PTPRN2: variants seen among roughly 807,000 people sequenced by gnomAD.
PTPRN2 encodes the protein protein tyrosine phosphatase receptor type N2, also known as receptor-type tyrosine-protein phosphatase N2.
A neutral mutation model predicts 118.8 loss-of-function variants in PTPRN2; 74 were observed. The observed-to-expected ratio is 0.62, with a 90% CI of 0.52 to 0.76. The LOEUF (loss-of-function observed/expected upper bound fraction) is 0.76. Ranked by LOEUF, PTPRN2 falls within the 30% of genes least tolerant of loss-of-function variation. The pLI is 0.00. For synonymous variants in PTPRN2, 641 were observed against 608.0 expected (o/e 1.05, Z -0.80); for missense variants, 1,481 against 1,394.4 (o/e 1.06, Z -0.99).
chr7:158,226,738 G>A (rs1828814686), intron 3 of PTPRN2, among the ~76,000 whole-genome samples: 1 of 151,084 alleles, frequency 6.6e-6, no homozygotes, highest in South Asian at 2.1e-4. Context: ...TGAGACCTGG[G>A]GAAGTCCCAC....
At chr7:158,211,879 A>G (rs1033967013) in intron 3 of PTPRN2, among the ~76,000 whole-genome samples, 13 of 152,146 alleles carry the variant, frequency 8.5e-5, no homozygotes, top group African/African-American at 3.1e-4. Context: ...TTATACCCAA[A>G]AGGTAATCAG....
intron 2 of PTPRN2, among the ~76,000 whole-genome samples, chr7:158,319,504 TCCCCC>T (rs1435175067): frequency 3.2e-5 from 1 of 31,478 alleles, no homozygotes. Context: ...TCACACAGCC[TCCCCC>T]CACACACACA....
Position 158,558,176 on chromosome 7 carries a change from G to A in PTPRN2, c.112+29382C>T, listed in dbSNP as rs80142994. On this transcript the variant is annotated intron_variant, in intron 1 of 22. Transcript: ENST00000389418. ...AATTTTTCATTGTTCTGGAGAGACG[G>A]GGTCTTGCTATGTTGCCCAGCCTGG... Among the ~76,000 whole-genome samples, 831 of 152,168 alleles carry A rather than the reference G, an allele frequency of 5.5e-3. 11 individuals carry two copies. Among genetic ancestry groups the A allele is most frequent in the African/African-American group, 0.019 (793 of 41,518 alleles).
At chr7:158,143,746 G>A (rs1312525885) in intron 6 of PTPRN2, among the ~76,000 whole-genome samples, 1 of 152,192 alleles carries the variant, frequency 6.6e-6, no homozygotes, top group Admixed American at 6.5e-5. Context: ...TTCGCAGGAA[G>A]TGGCAGGGCC....
intron 15 of PTPRN2, 147 bp downstream of exon 15, chr7:157,621,215 C>CGGGGCTGGTACACACAGGTCAGCA: frequency 7.4e-7 from 1 of 1,355,758 alleles, no homozygotes; most frequent in South Asian, 1.4e-5. Flanking sequence ...CCTCCCGTCC[C>CGGGGCTGGTACACACAGGTCAGCA]CGGGGCTGGT....
chr7:158,081,806 A>C (rs1812864196), intron 10 of PTPRN2, among the ~76,000 whole-genome samples: 1 of 152,238 alleles, frequency 6.6e-6, no homozygotes, highest in Non-Finnish European at 1.5e-5. Flanking sequence ...CATTTAAAAA[A>C]CTACCAAAGT....
At chr7:158,528,950 C>T (rs898504151) in intron 1 of PTPRN2, among the ~76,000 whole-genome samples, 1 of 152,130 alleles carries the variant, frequency 6.6e-6, no homozygotes, top group African/African-American at 2.4e-5. Flanking sequence ...GGGGTGGAAA[C>T]ACCAGCTCCT....
chr7:157,839,620 G>C (rs1281928999), intron 12 of PTPRN2, among the ~76,000 whole-genome samples: 1 of 151,862 alleles, frequency 6.6e-6, no homozygotes, highest in Non-Finnish European at 1.5e-5. Flanking sequence ...GCCTGTGTGG[G>C]AATGTGTCTG....
In PTPRN2 at chr7:157,792,272, C is replaced by T. The variant is rs150148562; in HGVS notation, c.1788+106401G>A. Among the ~76,000 whole-genome samples, 924 of 152,346 alleles carry T rather than the reference C, an allele frequency of 6.1e-3. 27 individuals carry two copies. The South Asian group carries it at 0.072, about 12-fold the overall frequency. ...CAAGCCGCGGGAGAGGCCAGGCGCC[C>T]GCAGCGGGGCATCTGCGCCTGGTGT... On this transcript the variant is annotated intron_variant, in intron 12 of 22. Transcript: ENST00000389418.
At chr7:158,102,863 G>A (rs920553520) in intron 10 of PTPRN2, among the ~76,000 whole-genome samples, 4 of 152,150 alleles carry the variant, frequency 2.6e-5, no homozygotes, top group Non-Finnish European at 4.4e-5. Flanking sequence ...CTAATGTTCT[G>A]GGGGCCACGG....
chr7:158,340,349 A>T (rs1806438125), intron 2 of PTPRN2, among the ~76,000 whole-genome samples: 1 of 101,052 alleles, frequency 9.9e-6, no homozygotes, highest in Non-Finnish European at 2.1e-5. Context: ...TCACCATAAG[A>T]GCTGAGGCCC....
intron 8 of PTPRN2, among the ~76,000 whole-genome samples, chr7:158,136,376 C>T (rs955820353): frequency 1.3e-5 from 2 of 152,136 alleles, no homozygotes; most frequent in South Asian, 4.1e-4. Context: ...CTGGGAAATT[C>T]CAGGAAAAAT....
intron 2 of PTPRN2, among the ~76,000 whole-genome samples, chr7:158,477,839 G>C (rs777592778): frequency 1.3e-5 from 2 of 152,234 alleles, no homozygotes; most frequent in Non-Finnish European, 2.9e-5. Flanking sequence ...GCAACTGAAA[G>C]CTCAGCCAAG....
At chr7:157,650,625 A>G (rs1257272227) in intron 14 of PTPRN2, among the ~76,000 whole-genome samples, 1 of 152,170 alleles carries the variant, frequency 6.6e-6, no homozygotes, top group African/African-American at 2.4e-5. Context: ...CTGGGAGAGC[A>G]GCCATCTGTG....
intron 21 of PTPRN2, among the ~76,000 whole-genome samples, chr7:157,562,618 G>A (rs1477518380): frequency 1.3e-5 from 2 of 152,230 alleles, no homozygotes; most frequent in African/African-American, 2.4e-5. Flanking sequence ...CACAAAACAC[G>A]ATTCGACAAA....
chr7:158,124,755 C>T (rs988627321), intron 9 of PTPRN2, among the ~76,000 whole-genome samples: 1 of 152,160 alleles, frequency 6.6e-6, no homozygotes, highest in African/African-American at 2.4e-5. Flanking sequence ...CCCCAAGATG[C>T]ACCTGCAGAG....
rs531436147 is a variant in PTPRN2 at position 158,546,513 on chromosome 7, G to C, written c.112+41045C>G. On this transcript the variant is annotated intron_variant, in intron 1 of 22. Transcript: ENST00000389418. This position sits in a 1 kb window ranked among gnomAD's most constrained non-coding sequence, Gnocchi z 5.0. ...GCGCCATGATGTCTAAGTGACTATA[G>C]GGCCATGAAGAAGGGGCCTCCTGAT... 5.3e-4 allele frequency among the ~76,000 whole-genome samples: 81 copies of C among 152,310 alleles called. No individual in the cohort carries two copies. The highest frequency in any genetic ancestry group is 3.4e-3 in the Middle Eastern group (1 of 294).
At chr7:158,100,683 G>A (rs1303717041) in intron 10 of PTPRN2, among the ~76,000 whole-genome samples, 1 of 152,032 alleles carries the variant, frequency 6.6e-6, no homozygotes, top group Non-Finnish European at 1.5e-5. Flanking sequence ...TATGTTTGTT[G>A]GCCATTTGTA....
chr7:158,504,664 C>T (rs954526044), intron 1 of PTPRN2, among the ~76,000 whole-genome samples: 51 of 152,202 alleles, frequency 3.4e-4, no homozygotes, highest in African/African-American at 1.2e-3. Flanking sequence ...TTATAACCTG[C>T]ACTTTTTACT....
Sources: allele counts gnomAD v4.1 joint callset (sites outside exome capture counted in the v4.1 genomes callset), GRCh38; gene constraint gnomAD v4.1.1; non-coding constraint Gnocchi (gnomAD v3.1); transcripts MANE v1.5; gene names NCBI Gene and HGNC (gene_info 2026-07-23, HGNC 2026-07-21).